WWP1: variants seen among roughly 807,000 people sequenced by gnomAD.
WWP1 encodes NEDD4-like E3 ubiquitin-protein ligase WWP1.
Under a neutral mutation model 130.6 loss-of-function variants are expected in WWP1, and 49 were observed. That is an observed-to-expected ratio of 0.38 (90% confidence interval 0.30 to 0.48). WWP1 has a LOEUF of 0.48. Among genes scored for constraint, WWP1 ranks in the 20% least tolerant of loss-of-function variants. The pLI is 0.99. For missense variants in WWP1, 809 were observed against 1,100.6 expected (o/e 0.74, Z 3.75); for synonymous variants, 332 against 367.8 (o/e 0.90, Z 1.11).
At chr8:86,362,007 CATAT>C (rs200199791) in intron 1 of WWP1, among the ~76,000 whole-genome samples, 1 of 118,676 alleles carries the variant, frequency 8.4e-6, no homozygotes, top group South Asian at 2.8e-4. Context: ...TATATACACA[CATAT>C]ATATATACAC....
intron 20 of WWP1, among the ~76,000 whole-genome samples, chr8:86,452,298 C>A (rs1811215633): frequency 6.6e-6 from 1 of 151,374 alleles, no homozygotes; most frequent in South Asian, 2.1e-4. Context: ...TATTTATTTT[C>A]TTTCTTTTTT....
At chr8:86,445,388 A>G (rs774276760) in intron 18 of WWP1, among the ~76,000 whole-genome samples, 3 of 151,890 alleles carry the variant, frequency 2.0e-5, no homozygotes, top group Non-Finnish European at 4.4e-5. Context: ...TTTCCCATCT[A>G]TTTATGTCCA....
chr8:86,413,728 A>C (rs144734650), intron 9 of WWP1, among the ~76,000 whole-genome samples: 2 of 152,350 alleles, frequency 1.3e-5, no homozygotes, highest in East Asian at 3.9e-4. Context: ...TGAGGCAGCA[A>C]GATATATAAT....
intron 7 of WWP1, among the ~76,000 whole-genome samples, 171 bp from the exon 8 acceptor site, chr8:86,401,848 C>G (rs546679434): frequency 1.3e-3 from 199 of 152,054 alleles, no homozygotes; most frequent in African/African-American, 4.6e-3. Context: ...ATTTACCTAT[C>G]ATTTTACTTG....
At chr8:86,377,173 C>G (rs966343256) in intron 3 of WWP1, among the ~76,000 whole-genome samples, 1 of 152,100 alleles carries the variant, frequency 6.6e-6, no homozygotes, top group Non-Finnish European at 1.5e-5. Context: ...GCAACCTCCC[C>G]CTCCTGGGTT....
chr8:86,383,258 C>T (rs1203939296), intron 5 of WWP1, among the ~76,000 whole-genome samples: 1 of 151,690 alleles, frequency 6.6e-6, no homozygotes, highest in East Asian at 1.9e-4. Context: ...GTATACAGTA[C>T]CTTGCCTGGA....
At chr8:86,349,797 C>T (rs1445237116) in intron 1 of WWP1, among the ~76,000 whole-genome samples, 1 of 151,626 alleles carries the variant, frequency 6.6e-6, no homozygotes, top group Non-Finnish European at 1.5e-5. Context: ...AGTACAGGAC[C>T]CAAGAGTCCA....
intron 9 of WWP1, among the ~76,000 whole-genome samples, chr8:86,415,965 A>G (rs1008041754): frequency 1.3e-5 from 2 of 152,222 alleles, no homozygotes; most frequent in African/African-American, 4.8e-5. Flanking sequence ...AATTTGTGCT[A>G]CATTAAATGA....
chr8:86,418,995 T>G (rs1014227940), intron 9 of WWP1, among the ~76,000 whole-genome samples: 31 of 152,038 alleles, frequency 2.0e-4, no homozygotes, highest in African/African-American at 7.2e-4. Context: ...TAATCCACAA[T>G]CCACAAGCCC....
In WWP1 at chr8:86,390,016, G is replaced by A. The variant is rs897696931; in HGVS notation, c.335-8326G>A. On this transcript the variant is annotated intron_variant, in intron 5 of 24. Transcript: ENST00000517970. Reference sequence around the variant, plus strand: ...CAGAGACGCTCCTCACCTCCCAGAAGGGGTGGCGGTCTGGCAGAGACACTC... The same window carrying A: ...CAGAGACGCTCCTCACCTCCCAGAAAGGGTGGCGGTCTGGCAGAGACACTC... 2.6e-5 allele frequency among the ~76,000 whole-genome samples: 4 copies of A among 152,032 alleles called. No individual in the cohort carries two copies. The South Asian group carries it at 8.3e-4, about 32-fold the overall frequency.
chr8:86,442,782 A>G lies in WWP1; in HGVS notation c.1998+4A>G, dbSNP rs1810657044. On this transcript the variant is annotated splice_donor_region_variant and intron_variant, in intron 18 of 24. Transcript: ENST00000517970. ...CATTGGTCGTTTTATTGCCATGGTG[A>G]GTTCCTGACTTTATTATTATTTATT... 3 of 1,593,340 alleles carry G rather than the reference A, an allele frequency of 1.9e-6. No individual in the cohort carries two copies. The South Asian group carries it at 3.5e-5, about 19-fold the overall frequency.
At position 86,468,000 on chromosome 8, in the gene WWP1, C is replaced by T. The variant is rs527389105; in HGVS notation, c.*1107C>T. The stretch of plus-strand genomic sequence containing the variant: ...ACACAGATAATTATTTTTGTCATAA[C>T]ACTTTTTAATTGTTTTTCATCATAG... On this transcript the variant is annotated 3_prime_UTR_variant, in exon 25 of 25. Transcript: ENST00000517970. The T allele has an allele frequency of 1.5e-4, 23 of 153,732 alleles. No homozygotes were observed. Among genetic ancestry groups the T allele is most frequent in the African/African-American group, 5.3e-4 (22 of 41,558 alleles). 9.5% of individuals were successfully genotyped at this position (153,732 alleles called of 1,614,324 possible).
At chr8:86,375,130 G>A (rs1207114962) in intron 3 of WWP1, among the ~76,000 whole-genome samples, 2 of 152,042 alleles carry the variant, frequency 1.3e-5, no homozygotes, top group Non-Finnish European at 2.9e-5. Context: ...TGAAAAAAAG[G>A]TAATTTAAAA....
At chr8:86,386,407 T>TG (rs1339527612) in intron 5 of WWP1, among the ~76,000 whole-genome samples, 2 of 151,192 alleles carry the variant, frequency 1.3e-5, no homozygotes, top group African/African-American at 4.9e-5. Flanking sequence ...GTACACATTT[T>TG]ATCATTTTAT....
Position 86,435,501 on chromosome 8 carries a change from C to G in WWP1, c.1651C>G (p.Leu551Val). 6.2e-7 allele frequency: 1 copy of G among 1,614,136 alleles called. No individual in the cohort carries two copies. Among genetic ancestry groups the G allele is most frequent in the Non-Finnish European group, 8.5e-7 (1 of 1,180,002 alleles). The change falls in exon 15 of 25, where the codon CTT becomes GTT. Residue 551 changes from leucine to valine, a missense_variant. By Grantham distance (32) the Leu-to-Val change is conservative. Transcript: ENST00000517970. ...IAYERGFRWK[L>V]AHFRYLCQSN... ...TTATGAACGCGGCTTTAGGTGGAAG[C>G]TTGCTCACTTCCGTTATTTGTGCCA...
intron 2 of WWP1, among the ~76,000 whole-genome samples, chr8:86,369,784 A>G (rs1352576357): frequency 2.0e-5 from 3 of 152,132 alleles, no homozygotes; most frequent in African/African-American, 7.2e-5. Context: ...GGAAGACTAA[A>G]TGCTGTCTGA....
intron 24 of WWP1, 141 bp downstream of exon 24, chr8:86,461,987 G>A (rs1811792337): frequency 3.0e-6 from 2 of 658,308 alleles, no homozygotes; most frequent in Non-Finnish European, 5.3e-6. Context: ...GATTAATACA[G>A]CATTCTATAA....
chr8:86,394,830 T>C (rs1807561625), intron 5 of WWP1, among the ~76,000 whole-genome samples: 1 of 150,194 alleles, frequency 6.7e-6, no homozygotes, highest in Admixed American at 6.7e-5. Context: ...TGTGAAATAA[T>C]ATATACTGTA....
intron 2 of WWP1, among the ~76,000 whole-genome samples, chr8:86,372,100 T>C (rs1022975656): frequency 2.1e-4 from 29 of 138,536 alleles, no homozygotes; most frequent in Non-Finnish European, 3.8e-4. Flanking sequence ...CTCGACTCAC[T>C]GCAAGCTCCG....
Sources: allele counts gnomAD v4.1 joint callset (sites outside exome capture counted in the v4.1 genomes callset), GRCh38; gene constraint gnomAD v4.1.1; transcripts MANE v1.5; gene names NCBI Gene and HGNC (gene_info 2026-07-23, HGNC 2026-07-21).